Variants in RSPO2 observed in about 807,000 individuals in gnomAD.
RSPO2 encodes the protein R-spondin 2.
A neutral mutation model predicts 30.9 loss-of-function variants in RSPO2; 14 were observed. The ratio of observed to expected loss-of-function variants is 0.45; its 90% CI spans 0.30 to 0.71. RSPO2 has a LOEUF of 0.71. Ranked by LOEUF, RSPO2 falls within the 30% of genes least tolerant of loss-of-function variation. The pLI is 0.08. For synonymous variants in RSPO2, 107 were observed against 96.4 expected, an observed-to-expected ratio of 1.11 and a Z score of -0.64; for missense variants, 264 against 301.9, an observed-to-expected ratio of 0.87 and a Z score of 0.93.
intron 1 of RSPO2, 117 bp from the exon 2 acceptor site, chr8:108,082,924 T>A: frequency 5.0e-6 from 2 of 398,054 alleles, no homozygotes; most frequent in Non-Finnish European, 8.9e-6. Flanking sequence ...GCGAACCCAC[T>A]GCCTAGCACG....
chr8:107,920,215 C>T (rs913903898), intron 5 of RSPO2, among the ~76,000 whole-genome samples: 3 of 152,094 alleles, frequency 2.0e-5, no homozygotes, highest in Non-Finnish European at 4.4e-5. Context: ...CTATGGCTAC[C>T]ACCTAAATAC....
At chr8:107,983,416 T>G (rs1214276998) in intron 3 of RSPO2, 1 of 1,603,388 alleles carries the variant, frequency 6.2e-7, no homozygotes, top group Non-Finnish European at 8.5e-7. Context: ...TCTTCAGGCA[T>G]CTCACAAACC....
intron 2 of RSPO2, among the ~76,000 whole-genome samples, chr8:108,003,303 ATATATATATTTTTTT>A (rs1815332265): frequency 1.7e-3 from 46 of 27,170 alleles, no homozygotes; most frequent in African/African-American, 5.2e-3. Context: ...ATATATATAT[ATATATATATTTTTTT>A]TTTTTTTTTT....
At chr8:108,008,834 A>G (rs1006922026) in intron 2 of RSPO2, among the ~76,000 whole-genome samples, 1 of 151,862 alleles carries the variant, frequency 6.6e-6, no homozygotes. Flanking sequence ...GAAACAATAA[A>G]CTTCTTTGCA....
At chr8:107,949,675 G>A (rs1813179230) in intron 5 of RSPO2, among the ~76,000 whole-genome samples, 1 of 152,162 alleles carries the variant, frequency 6.6e-6, no homozygotes, top group African/African-American at 2.4e-5. Flanking sequence ...ATAAGAGGTA[G>A]ACATGGACTT....
At chr8:108,040,487 C>A (rs1357916029) in intron 2 of RSPO2, among the ~76,000 whole-genome samples, 1 of 152,220 alleles carries the variant, frequency 6.6e-6, no homozygotes, top group Admixed American at 6.5e-5. Flanking sequence ...TGCTGCTGTT[C>A]AGCCAATGCC....
In RSPO2 at chr8:107,911,611, C is replaced by T. The variant is rs570330860; in HGVS notation, c.617-10421G>A. Among the ~76,000 whole-genome samples the T allele has an allele frequency of 5.3e-5, 8 of 152,290 alleles. No individual in the cohort carries two copies. In the South Asian group the frequency reaches 1.0e-3, roughly 20 times the overall value. ...ACCTGGCACACAAACACTAAATAAACGATAGCGCTATATAAGGTGCCCTAC... is the reference window on the plus strand; with the variant it reads ...ACCTGGCACACAAACACTAAATAAATGATAGCGCTATATAAGGTGCCCTAC... On this transcript the variant is annotated intron_variant, in intron 5 of 5. Transcript: ENST00000276659.
chr8:108,056,654 GAAAAAGA>G (rs931192360), intron 2 of RSPO2, among the ~76,000 whole-genome samples: 8 of 139,516 alleles, frequency 5.7e-5, no homozygotes, highest in South Asian at 4.6e-4. Flanking sequence ...GAAAAGAAAA[GAAAAAGA>G]AAAAAGAAAA....
At chr8:107,973,574 CA>C (rs1351945778) in intron 3 of RSPO2, among the ~76,000 whole-genome samples, 2 of 149,592 alleles carry the variant, frequency 1.3e-5, no homozygotes, top group Non-Finnish European at 3.0e-5. Context: ...AACAAGCAAA[CA>C]AAAAAAAGAA....
intron 2 of RSPO2, among the ~76,000 whole-genome samples, chr8:108,050,850 A>T (rs563617637): frequency 1.3e-5 from 2 of 152,186 alleles, no homozygotes; most frequent in Non-Finnish European, 2.9e-5. Context: ...AACTCCAAGG[A>T]CAAAAGAATC....
chr8:108,062,512 C>A (rs1812503518), intron 2 of RSPO2, among the ~76,000 whole-genome samples: 1 of 151,716 alleles, frequency 6.6e-6, no homozygotes, highest in Non-Finnish European at 1.5e-5. Context: ...CTGAATAGAC[C>A]AATAACAGGC....
intron 2 of RSPO2, among the ~76,000 whole-genome samples, chr8:107,995,625 C>A (rs936324810): frequency 1.3e-5 from 2 of 152,124 alleles, no homozygotes; most frequent in Non-Finnish European, 2.9e-5. Context: ...TCTCATCCCT[C>A]ATTCAAGATC....
At position 107,903,832 on chromosome 8, in the gene RSPO2, C is replaced by T. The variant is rs562573421; in HGVS notation, c.617-2642G>A. On this transcript the variant is annotated intron_variant, in intron 5 of 5. Coordinates refer to ENST00000276659, the MANE Select transcript of RSPO2 (RefSeq NM_178565.5). ...CTCACATAAGACATATTGCAAATAC[C>T]GAGGAATTAAGATGGTTAGCCAAGA... Among the ~76,000 whole-genome samples, 11 of 151,938 alleles carry T rather than the reference C, an allele frequency of 7.2e-5. No individual in the cohort carries two copies. The East Asian group carries it at 1.5e-3, about 21-fold the overall frequency.
At chr8:108,059,059 G>C (rs1428752235) in intron 2 of RSPO2, among the ~76,000 whole-genome samples, 2 of 151,808 alleles carry the variant, frequency 1.3e-5, no homozygotes, top group Admixed American at 6.6e-5. Context: ...GAGTGAAACA[G>C]GCAACCTACA....
intron 2 of RSPO2, among the ~76,000 whole-genome samples, chr8:107,990,819 G>A (rs1425908422): frequency 6.6e-6 from 1 of 152,182 alleles, no homozygotes; most frequent in African/African-American, 2.4e-5. Flanking sequence ...CAGAGCTACA[G>A]TAGCCAAAAC....
chr8:108,072,902 G>A (rs1812903172), intron 2 of RSPO2: 1 of 152,122 alleles, frequency 6.6e-6, no homozygotes, highest in Non-Finnish European at 1.5e-5. Context: ...AGTCATTTGG[G>A]CAACTCCAAA....
intron 2 of RSPO2, among the ~76,000 whole-genome samples, chr8:107,996,090 T>G (rs1815012458): frequency 6.6e-6 from 1 of 152,092 alleles, no homozygotes; most frequent in Non-Finnish European, 1.5e-5. Context: ...ATCGTTTAAC[T>G]TCTCTGTGCC....
chr8:108,017,142 G>A (rs1162931990), intron 2 of RSPO2, among the ~76,000 whole-genome samples: 6 of 151,386 alleles, frequency 4.0e-5, no homozygotes, highest in Admixed American at 2.0e-4. Context: ...TCAGCCTCCC[G>A]AGTAGCTGGG....
At chr8:108,039,943 T>C (rs148850408) in intron 2 of RSPO2, among the ~76,000 whole-genome samples, 1 of 152,186 alleles carries the variant, frequency 6.6e-6, no homozygotes, top group Non-Finnish European at 1.5e-5. Flanking sequence ...CAATGAGAAG[T>C]TGGCAGTCTA....
Sources: gnomAD v4.1 joint callset for allele counts (sites outside exome capture counted in the v4.1 genomes callset) on GRCh38, gnomAD v4.1.1 for gene constraint, MANE v1.5 for transcripts, NCBI Gene and HGNC (gene_info 2026-07-23, HGNC 2026-07-21) for gene names.